AP3S2: variants seen among roughly 807,000 people sequenced by gnomAD.
The protein encoded by AP3S2 is AP-3 complex subunit sigma-2.
A neutral mutation model predicts 23.4 loss-of-function variants in AP3S2; 22 were observed. The ratio of observed to expected loss-of-function variants is 0.94; its 90% CI spans 0.67 to 1.34. AP3S2 has a LOEUF of 1.34. Among genes scored for constraint, AP3S2 ranks in the 40% most tolerant of loss-of-function variants. The pLI, the probability that AP3S2 is intolerant of heterozygous loss-of-function variation, is 0.00. For missense variants in AP3S2, 241 were observed against 236.9 expected (o/e 1.02, Z -0.11); for synonymous variants, 86 against 87.1 (o/e 0.99, Z 0.07).
intron 1 of AP3S2, 107 bp from the exon 2 acceptor site, chr15:89,889,247 C>A: frequency 8.8e-7 from 1 of 1,140,300 alleles, no homozygotes; most frequent in Non-Finnish European, 1.3e-6. Flanking sequence ...AACATCTAAA[C>A]ATTTAGTACT....
intron 1 of AP3S2, 59 bp from the exon 2 acceptor site, chr15:89,889,199 A>G: frequency 1.3e-6 from 2 of 1,571,418 alleles, no homozygotes; most frequent in African/African-American, 1.3e-5. Flanking sequence ...CATCCCATCC[A>G]TGGGGATGGA....
intron 3 of AP3S2, among the ~76,000 whole-genome samples, chr15:89,875,629 T>C (rs1896424815): frequency 6.6e-6 from 1 of 152,196 alleles, no homozygotes; most frequent in Non-Finnish European, 1.5e-5. Context: ...AACATTATTC[T>C]GATAAAGGAA....
intron 3 of AP3S2, chr15:89,886,587 A>AG: frequency 6.6e-6 from 1 of 152,216 alleles, no homozygotes; most frequent in Non-Finnish European, 1.5e-5. Flanking sequence ...TGCTGAGGCA[A>AG]GCACTCCATC....
intron 4 of AP3S2, among the ~76,000 whole-genome samples, chr15:89,846,291 A>G (rs1485677192): frequency 6.6e-6 from 1 of 152,154 alleles, no homozygotes; most frequent in Non-Finnish European, 1.5e-5. Flanking sequence ...CAATTCCTCT[A>G]AAGACAATCT....
chr15:89,883,397 ACTC>A (rs1896618365), intron 3 of AP3S2, among the ~76,000 whole-genome samples: 1 of 149,874 alleles, frequency 6.7e-6, no homozygotes, highest in Non-Finnish European at 1.5e-5. Context: ...AATAAAAGAT[ACTC>A]CTTTTTTTTT....
chr15:89,857,403 C>A (rs1895867244), intron 4 of AP3S2, among the ~76,000 whole-genome samples: 1 of 120,150 alleles, frequency 8.3e-6, no homozygotes, highest in East Asian at 3.0e-4. Flanking sequence ...AGAGAAAAGA[C>A]AAAAACACTC....
At chr15:89,890,414 C>A (rs559579528) in intron 1 of AP3S2, among the ~76,000 whole-genome samples, 2 of 152,120 alleles carry the variant, frequency 1.3e-5, no homozygotes, top group African/African-American at 4.8e-5. Context: ...TGATAACTCA[C>A]CTTTGATTTC....
chr15:89,891,303 G>C (rs911719404), intron 1 of AP3S2, among the ~76,000 whole-genome samples: 1 of 152,086 alleles, frequency 6.6e-6, no homozygotes, highest in Non-Finnish European at 1.5e-5. Context: ...AAAGATACAC[G>C]AATGGGCAAT....
intron 4 of AP3S2, among the ~76,000 whole-genome samples, chr15:89,847,721 CT>C (rs1895531864): frequency 6.6e-6 from 1 of 152,142 alleles, no homozygotes; most frequent in Non-Finnish European, 1.5e-5. Context: ...TTTAAATTAC[CT>C]TTTACTCTAG....
chr15:89,893,795 G>A (rs1896874117), intron 1 of AP3S2, 86 bp downstream of exon 1: 4 of 1,356,108 alleles, frequency 2.9e-6, no homozygotes, highest in Admixed American at 2.0e-5. Flanking sequence ...ACCAAAGAGC[G>A]GTGCCCCCGG....
At position 89,870,030 on chromosome 15, in the gene AP3S2, G is replaced by A. The variant is rs144970864; in HGVS notation, c.345+1445C>T. On this transcript the variant is annotated intron_variant, in intron 4 of 5. Transcript: ENST00000336418. The stretch of plus-strand genomic sequence containing the variant: ...TGCTGGGATTACAGGTGTGAGCCAC[G>A]ACGCCCGGCCTGTATTTAACAATAT... 3.1e-3 allele frequency among the ~76,000 whole-genome samples: 466 copies of A among 152,188 alleles called. 5 individuals are homozygous for A. Among genetic ancestry groups the A allele is most frequent in the Middle Eastern group, 0.01 (3 of 294 alleles).
chr15:89,860,109 C>T (rs1300011041), intron 4 of AP3S2, among the ~76,000 whole-genome samples: 1 of 151,938 alleles, frequency 6.6e-6, no homozygotes, highest in African/African-American at 2.4e-5. Context: ...ATTTTGGCCT[C>T]TGAAAAAAAT....
intron 3 of AP3S2, among the ~76,000 whole-genome samples, chr15:89,876,147 G>T (rs1896437908): frequency 6.6e-6 from 1 of 152,238 alleles, no homozygotes; most frequent in Admixed American, 6.5e-5. Context: ...GCTGGACATG[G>T]TGCTTCACAC....
intron 4 of AP3S2, among the ~76,000 whole-genome samples, chr15:89,843,716 G>A (rs1019335806): frequency 2.0e-5 from 3 of 152,112 alleles, no homozygotes; most frequent in African/African-American, 7.2e-5. Flanking sequence ...GCTGGGGCAG[G>A]AGAATCGCCT....
chr15:89,840,627 C>T (rs1895305633), intron 4 of AP3S2, among the ~76,000 whole-genome samples: 1 of 152,136 alleles, frequency 6.6e-6, no homozygotes, highest in African/African-American at 2.4e-5. Flanking sequence ...GGGGTTTCCT[C>T]ATGTTGGCCA....
intron 3 of AP3S2, among the ~76,000 whole-genome samples, chr15:89,879,887 C>T (rs531260897): frequency 5.9e-4 from 90 of 151,638 alleles, no homozygotes; most frequent in African/African-American, 2.0e-3. Context: ...GCACTCTGGG[C>T]GACAAGAGTG....
chr15:89,863,694 C>A (rs1896056640), intron 4 of AP3S2, among the ~76,000 whole-genome samples: 1 of 152,206 alleles, frequency 6.6e-6, no homozygotes, highest in African/African-American at 2.4e-5. Context: ...GCCTACTACT[C>A]CGGCCACATC....
At chr15:89,869,866 G>A (rs1423244487) in intron 4 of AP3S2, among the ~76,000 whole-genome samples, 1 of 151,792 alleles carries the variant, frequency 6.6e-6, no homozygotes, top group Admixed American at 6.6e-5. Flanking sequence ...CGATTCTCCT[G>A]AATAGCTGGG....
rs1896613941 is a variant in AP3S2 at position 89,883,261 on chromosome 15, A to G, written c.273+5260T>C. ...TCCTTACTTATAATTCTTTAAAAAT[A>G]TTTTCTATGTCCATAATCCGGCCAC... On this transcript the variant is annotated intron_variant, in intron 3 of 5. Transcript: ENST00000336418. Among the ~76,000 whole-genome samples the G allele has an allele frequency of 2.6e-5, 4 of 151,990 alleles. 1 individual carries two copies. In the South Asian group the frequency reaches 8.3e-4, roughly 31 times the overall value.
Sources: allele counts gnomAD v4.1 joint callset (sites outside exome capture counted in the v4.1 genomes callset), GRCh38; gene constraint gnomAD v4.1.1; transcripts MANE v1.5; gene names NCBI Gene and HGNC (gene_info 2026-07-23, HGNC 2026-07-21).